SYNM: variants seen among roughly 807,000 people sequenced by gnomAD.
SYNM encodes desmuslin.
SYNM carries 95 observed loss-of-function variants against 104.0 expected under a neutral mutation model. The observed-to-expected ratio is 0.91, with a 90% CI of 0.77 to 1.08. SYNM has a LOEUF of 1.08. Ranked by LOEUF, SYNM falls within the 50% of genes least tolerant of loss-of-function variation. The pLI, the probability that SYNM is intolerant of heterozygous loss-of-function variation, is 0.00. For synonymous variants in SYNM, 918 were observed against 869.0 expected, an observed-to-expected ratio of 1.06 and a Z score of -0.99; for missense variants, 2,150 against 2,052.2, an observed-to-expected ratio of 1.05 and a Z score of -0.92.
In SYNM at chr15:99,135,392, TC is replaced by T. The variant is rs2067560715; in HGVS notation, c.*2335del. 1 of 152,534 alleles carries T rather than the reference TC, an allele frequency of 6.6e-6. No individual in the cohort carries two copies. Among genetic ancestry groups the T allele is most frequent in the Non-Finnish European group, 1.5e-5 (1 of 68,012 alleles). 9.4% of individuals were successfully genotyped at this position (152,534 alleles called of 1,614,324 possible). On this transcript the variant is annotated 3_prime_UTR_variant, in exon 4 of 4. Transcript: ENST00000336292. Reference sequence around the variant, plus strand: ...TTGGATGGGGCCGGAACACAACCAGTCTTTTTGTATTTATTGTTACTGAGAC... The same window carrying T: ...TTGGATGGGGCCGGAACACAACCAGTTTTTTGTATTTATTGTTACTGAGAC...
At chr15:99,125,588 C>T (rs1365032007) in intron 2 of SYNM, among the ~76,000 whole-genome samples, 2 of 152,238 alleles carry the variant, frequency 1.3e-5, no homozygotes, top group African/African-American at 2.4e-5. Context: ...TCATGGGGCT[C>T]ACCATGTTTC....
At position 99,105,933 on chromosome 15, in the gene SYNM, A is replaced by C. The variant is rs1555482690; in HGVS notation, c.734A>C (p.Glu245Ala). The change falls in exon 1 of 4, where the codon GAG becomes GCG. Residue 245 changes from glutamate to alanine, a missense_variant. Transcript: ENST00000336292. ...CTGCGGCGCGAGGCGCTCGGGTTGGAGCAGCTGCGCGCGCGGCTGGAGGAC... is the reference window on the plus strand; with the variant it reads ...CTGCGGCGCGAGGCGCTCGGGTTGGCGCAGCTGCGCGCGCGGCTGGAGGAC... The part of the protein sequence containing the change: ...EALRREALGL[E>A]QLRARLEDAL... The C allele has an allele frequency of 6.6e-7, 1 of 1,524,470 alleles. No individual in the cohort carries two copies. Among genetic ancestry groups the C allele is most frequent in the Admixed American group, 2.0e-5 (1 of 49,978 alleles). The allele number at this position is 1,524,470 out of a possible 1,614,324, so 94.4% of individuals were successfully genotyped here.
rs546339928 is a variant in SYNM, at chr15:99,134,682, G to A, written c.*1624G>A. The A allele has an allele frequency of 6.6e-6, 1 of 152,178 alleles. No individual in the cohort carries two copies. Among genetic ancestry groups the A allele is most frequent in the Non-Finnish European group, 1.5e-5 (1 of 68,034 alleles). The allele number at this position is 152,178 out of a possible 1,614,324, so 9.4% of individuals were successfully genotyped here. ...GACCCCCAGGGTGCACGTCTCCCCA[G>A]GTCCTGGGAGTGGCTACCGCAGGTA... On this transcript the variant is annotated 3_prime_UTR_variant, in exon 4 of 4. Transcript: ENST00000336292.
At position 99,130,389 on chromosome 15, in the gene SYNM, C is replaced by T. The variant is rs782476697; in HGVS notation, c.2029C>T (p.Pro677Ser). The T allele has an allele frequency of 2.5e-6, 4 of 1,613,664 alleles. No homozygotes were observed. The South Asian group carries it at 4.4e-5, about 18-fold the overall frequency. ...KVTYVDRKELPGERKTKTEIV... is the reference protein window; with the variant it reads ...KVTYVDRKELSGERKTKTEIV... ...CACTTACGTGGACAGGAAAGAGCTT[C>T]CTGGGGAAAGGAAAACAAAGACTGA... is the stretch of plus-strand genomic sequence containing the variant. Residue 677 changes from proline (P) to serine (S), a missense_variant, in exon 4 of 4, where the codon CCT (proline) becomes TCT (serine). Pro to Ser is a moderately conservative substitution (Grantham distance 74). Coordinates refer to ENST00000336292, the MANE Select transcript of SYNM (RefSeq NM_145728.3).
chr15:99,107,760 G>C (rs1439086938), intron 1 of SYNM, among the ~76,000 whole-genome samples: 4 of 152,038 alleles, frequency 2.6e-5, no homozygotes, highest in Admixed American at 2.6e-4. Flanking sequence ...CTTTGACACA[G>C]GGACTCCAGG....
rs370301273 is a variant in SYNM, at chr15:99,131,139, A to G, written c.2779A>G (p.Ile927Val). 5.0e-6 allele frequency: 8 copies of G among 1,600,396 alleles called. No homozygotes were observed. Among genetic ancestry groups the G allele is most frequent in the Non-Finnish European group, 6.8e-6 (8 of 1,173,346 alleles). ...HAEPTVIEKE[I>V]KIPHEFHTSM... is the part of the protein sequence containing the mutation. The stretch of plus-strand genomic sequence containing the variant: ...CGAACCCACAGTCATTGAAAAAGAA[A>G]TTAAAATACCCCACGAATTCCACAC... The change falls in exon 4 of 4, where the codon ATT (isoleucine) becomes GTT (valine). Residue 927 changes from isoleucine (I) to valine (V), a missense_variant. Coordinates refer to ENST00000336292, the MANE Select transcript of SYNM (RefSeq NM_145728.3). This position sits in a 1 kb window ranked among gnomAD's most constrained non-coding sequence, Gnocchi z 4.3.
intron 2 of SYNM, 72 bp from the exon 3 acceptor site, chr15:99,126,650 G>A (rs759595037): frequency 1.2e-4 from 162 of 1,402,998 alleles, no homozygotes; most frequent in African/African-American, 1.9e-4. Flanking sequence ...CGCATACCAC[G>A]ATACGTTTTA....
chr15:99,125,432 G>A (rs1336446081), intron 2 of SYNM, among the ~76,000 whole-genome samples: 2 of 152,260 alleles, frequency 1.3e-5, no homozygotes, highest in Admixed American at 1.3e-4. Context: ...AAGGGCTGGG[G>A]CTCTGGACTC....
At position 99,130,006 on chromosome 15, in the gene SYNM, C is replaced by T. The variant is rs782178027; in HGVS notation, c.1646C>T (p.Ala549Val). The T allele has an allele frequency of 2.5e-6, 4 of 1,612,856 alleles. No individual in the cohort carries two copies. The highest frequency in any genetic ancestry group is 1.7e-5 in the Admixed American group (1 of 59,866). ...WEELTKLDKE[A>V]RQRESQQMKE... ...GAATTGACAAAGTTAGATAAGGAAG[C>T]GAGACAGAGAGAAAGCCAGCAGATG... Residue 549 changes from alanine to valine, a missense_variant, in exon 4 of 4, where the codon GCG becomes GTG. Transcript: ENST00000336292.
At chr15:99,112,930 C>T (rs1485085258) in intron 1 of SYNM, among the ~76,000 whole-genome samples, 3 of 152,112 alleles carry the variant, frequency 2.0e-5, no homozygotes, top group African/African-American at 4.8e-5. Flanking sequence ...AGGCTGGTCT[C>T]GAACTCCCGA....
chr15:99,141,199 GAT>G, the SYNM span, among the ~76,000 whole-genome samples: 2 of 151,866 alleles, frequency 1.3e-5, no homozygotes, highest in Non-Finnish European at 2.9e-5. Flanking sequence ...TGTAAACTGT[GAT>G]ATGTATATAT....
chr15:99,131,924 C>A lies in SYNM; in HGVS notation c.3564C>A (p.Ile1188=). 1.9e-6 allele frequency: 3 copies of A among 1,613,854 alleles called. No individual in the cohort carries two copies. Among genetic ancestry groups the A allele is most frequent in the Non-Finnish European group, 2.5e-6 (3 of 1,179,852 alleles). Residue 1188 remains isoleucine, a synonymous_variant, in exon 4 of 4, where the codon ATC becomes ATA. Coordinates refer to ENST00000336292, the MANE Select transcript of SYNM (RefSeq NM_145728.3). This position sits in a 1 kb window ranked among gnomAD's most constrained non-coding sequence, Gnocchi z 4.3. ...PGQSPLSREV[I]FLGPAPACPE... The stretch of plus-strand genomic sequence containing the variant: ...AAAGTCCACTGTCCAGAGAAGTCAT[C>A]TTCCTAGGCCCTGCCCCTGCCTGTC...
At position 99,134,592 on chromosome 15, in the gene SYNM, C is replaced by A. The variant is rs1285797387; in HGVS notation, c.*1534C>A. 3 of 152,294 alleles carry A rather than the reference C, an allele frequency of 2.0e-5. No individual in the cohort carries two copies. In the East Asian group the frequency reaches 5.8e-4, roughly 29 times the overall value. The allele number at this position is 152,294 out of a possible 1,614,324, so 9.4% of individuals were successfully genotyped here. A position where few individuals can be genotyped will look rare whatever the true frequency, so the allele number is the denominator to read the frequency against. On this transcript the variant is annotated 3_prime_UTR_variant, in exon 4 of 4. Transcript: ENST00000336292. ...GAATAACAGTCTGAGCTAGCACCAC[C>A]CTCAGCCAGGCTACAACGACAGCAC... is the stretch of plus-strand genomic sequence containing the variant.
rs530532175 is a variant in SYNM at position 99,134,402 on chromosome 15, T to C, written c.*1344T>C. 2 of 152,246 alleles carry C rather than the reference T, an allele frequency of 1.3e-5. No individual in the cohort carries two copies. Among genetic ancestry groups the C allele is most frequent in the East Asian group, 1.9e-4 (1 of 5,172 alleles). The allele number at this position is 152,246 out of a possible 1,614,324, so 9.4% of individuals were successfully genotyped here. On this transcript the variant is annotated 3_prime_UTR_variant, in exon 4 of 4. Transcript: ENST00000336292. The stretch of plus-strand genomic sequence containing the variant: ...CATTGGATTCATTTTATTTTACACG[T>C]CAGTATTGTTTTAAAGTTTCTGTCT...
chr15:99,140,671 G>C, the SYNM span: 1 of 152,088 alleles, frequency 6.6e-6, no homozygotes, highest in African/African-American at 2.4e-5. Context: ...TGCCTGACCG[G>C]AAAATACGAT....
chr15:99,107,650 C>A (rs1555482953), intron 1 of SYNM, among the ~76,000 whole-genome samples: 2 of 152,194 alleles, frequency 1.3e-5, no homozygotes, highest in African/African-American at 4.8e-5. Flanking sequence ...CTAATGAAAC[C>A]TTCAGTGGAA....
chr15:99,105,491 C>T lies in SYNM; in HGVS notation c.292C>T (p.Leu98=). The part of the protein sequence containing the change: ...LRRELRELQR[L]DAEERAARGR... ...GCGCGAGCTGCGGGAGCTGCAGCGC[C>T]TGGATGCGGAGGAGCGCGCCGCCCG... The change falls in exon 1 of 4, where the codon CTG becomes TTG. Residue 98 remains leucine, a synonymous_variant. Coordinates refer to ENST00000336292, the MANE Select transcript of SYNM (RefSeq NM_145728.3). 3.0e-6 allele frequency: 4 copies of T among 1,340,496 alleles called. No individual in the cohort carries two copies. Among genetic ancestry groups the T allele is most frequent in the African/African-American group, 1.5e-5 (1 of 65,148 alleles). 83.0% of individuals were successfully genotyped at this position (1,340,496 alleles called of 1,614,324 possible). A position where few individuals can be genotyped will look rare whatever the true frequency, so the allele number is the denominator to read the frequency against.
chr15:99,122,500 A>C (rs1402199131), intron 2 of SYNM, among the ~76,000 whole-genome samples: 4 of 152,160 alleles, frequency 2.6e-5, no homozygotes, highest in African/African-American at 7.2e-5. Context: ...AGACTTATCT[A>C]GTTACTAGAT....
intron 3 of SYNM, among the ~76,000 whole-genome samples, chr15:99,128,467 T>C (rs2067467525): frequency 6.6e-6 from 1 of 152,230 alleles, no homozygotes; most frequent in Admixed American, 6.5e-5. Context: ...TGTCCTGGCC[T>C]GGTCTCTTTC....
Sources: gnomAD v4.1 joint callset for allele counts (sites outside exome capture counted in the v4.1 genomes callset) on GRCh38, gnomAD v4.1.1 for gene constraint, Gnocchi (gnomAD v3.1) non-coding constraint, MANE v1.5 for transcripts, NCBI Gene and HGNC (gene_info 2026-07-23, HGNC 2026-07-21) for gene names.